Variants in ADIPOR1 observed in about 807,000 individuals in gnomAD.
ADIPOR1 encodes the protein adiponectin receptor 1, also known as adiponectin receptor protein 1.
In ADIPOR1, 15 loss-of-function variants were observed where a neutral mutation model predicts 37.5. The ratio of observed to expected loss-of-function variants is 0.40; its 90% confidence interval spans 0.27 to 0.62. The LOEUF is 0.62. Among genes scored for constraint, ADIPOR1 ranks in the 20% least tolerant of loss-of-function variants. The probability of loss-of-function intolerance (pLI) is 0.42; values close to 1 mark genes in which losing one functional copy is unlikely to be tolerated. For missense variants in ADIPOR1, 286 were observed against 478.0 expected (o/e 0.60, Z 3.75); for synonymous variants, 173 against 173.2 (o/e 1.00, Z 0.01).
chr1:202,946,872 T>C (rs1654348360), intron 3 of ADIPOR1, among the ~76,000 whole-genome samples: 1 of 151,480 alleles, frequency 6.6e-6, no homozygotes, highest in African/African-American at 2.4e-5. Context: ...CTTAGCACTT[T>C]GGGAGGCTGA....
At position 202,950,910 on chromosome 1, in the gene ADIPOR1, C is replaced by T; in HGVS notation, c.141+20G>A. Reference sequence around the variant, plus strand: ...GGAGAGAAACTGAACAAGGGGATGACTCCTGGGAAGATGACTTACTTTGGG... The same window carrying T: ...GGAGAGAAACTGAACAAGGGGATGATTCCTGGGAAGATGACTTACTTTGGG... On this transcript the variant is annotated intron_variant, in intron 2 of 7. Transcript: ENST00000340990. The T allele has an allele frequency of 6.2e-7, 1 of 1,614,070 alleles. No individual in the cohort carries two copies. The highest frequency in any genetic ancestry group is 8.5e-7 in the Non-Finnish European group (1 of 1,179,964).
intron 3 of ADIPOR1, 85 bp downstream of exon 3, chr1:202,948,219 G>A: frequency 9.1e-6 from 10 of 1,102,234 alleles, no homozygotes; most frequent in South Asian, 6.3e-5. Context: ...AAAGCTCTTC[G>A]ACCCAGTGCA....
chr1:202,945,998 C>A (rs1313797229), intron 4 of ADIPOR1, among the ~76,000 whole-genome samples: 2 of 131,676 alleles, frequency 1.5e-5, no homozygotes, highest in African/African-American at 3.1e-5. Flanking sequence ...CCCCCCCCCA[C>A]CCCTTTGTAA....
chr1:202,943,927 A>G lies in ADIPOR1; in HGVS notation c.636T>C (p.Ile212=). The G allele has an allele frequency of 6.2e-7, 1 of 1,613,516 alleles. No homozygotes were observed. ...CAAAGCTCCCCATAATTAGAAGAGC[A>G]ATCCCTGAATAGTCCAGTCTAAAAA... The part of the protein sequence containing the change: ...RTFSKLDYSG[I]ALLIMGSFVP... Residue 212 remains isoleucine, a synonymous_variant, in exon 6 of 8, where the codon ATT becomes ATC. Coordinates refer to ENST00000340990, the MANE Select transcript of ADIPOR1 (RefSeq NM_015999.6).
At chr1:202,950,299 C>A (rs1417003425) in intron 2 of ADIPOR1, among the ~76,000 whole-genome samples, 1 of 151,742 alleles carries the variant, frequency 6.6e-6, no homozygotes, top group Non-Finnish European at 1.5e-5. Context: ...GTTGGCCGGG[C>A]ACAGTGGCTC....
intron 5 of ADIPOR1, 74 bp downstream of exon 5, chr1:202,944,909 C>T: frequency 7.2e-7 from 1 of 1,395,494 alleles, no homozygotes; most frequent in Non-Finnish European, 9.8e-7. Context: ...GAGCTCCTAT[C>T]ACCCAGTAAG....
At chr1:202,946,397 G>C (rs1485498493) in intron 4 of ADIPOR1, 42 bp downstream of exon 4, 2 of 1,611,168 alleles carry the variant, frequency 1.2e-6, no homozygotes, top group African/African-American at 2.7e-5. Flanking sequence ...TTCGCAGTTA[G>C]GGAGACAACA....
At position 202,944,762 on chromosome 1, in the gene ADIPOR1, T is replaced by C. The variant is rs183852467; in HGVS notation, c.617+221A>G. On this transcript the variant is annotated intron_variant, in intron 5 of 7. Coordinates refer to ENST00000340990, the MANE Select transcript of ADIPOR1 (RefSeq NM_015999.6). The stretch of plus-strand genomic sequence containing the variant: ...TTCAGGTAGAAAATATATTCCACAA[T>C]TGGTCTCTCCATCTGTTGAAGAGGA... 31 of 374,988 alleles carry C rather than the reference T, an allele frequency of 8.3e-5. No homozygotes were observed. In the East Asian group the frequency reaches 1.0e-3, roughly 12 times the overall value. The allele number at this position is 374,988 out of a possible 1,614,324, so 23.2% of individuals were successfully genotyped here.
chr1:202,958,113 T>G (rs1024167066), intron 1 of ADIPOR1, 72 bp downstream of exon 1: 2 of 152,226 alleles, frequency 1.3e-5, no homozygotes, highest in Non-Finnish European at 2.9e-5. Flanking sequence ...TCCGCAGGCC[T>G]GGGTCGGGGC....
chr1:202,944,339 A>C (rs1654219320), intron 5 of ADIPOR1: 1 of 166,118 alleles, frequency 6.0e-6, no homozygotes, highest in African/African-American at 2.4e-5. Flanking sequence ...TTAAATTGGG[A>C]GTAGTATTAA....
intron 6 of ADIPOR1, 99 bp from the exon 7 acceptor site, chr1:202,942,317 C>A (rs2102480588): frequency 8.4e-7 from 1 of 1,185,490 alleles, no homozygotes. Flanking sequence ...TGATAATTAG[C>A]TATTTTTGGA....
At position 202,941,511 on chromosome 1, in the gene ADIPOR1, G is replaced by A; in HGVS notation, c.*62C>T. ...AACTCAGACTCTTCCTCTCACTTCA[G>A]CAAAGAAGTTATTTTTAAAAGCACT... On this transcript the variant is annotated 3_prime_UTR_variant, in exon 8 of 8. Transcript: ENST00000340990. 1 of 1,555,514 alleles carries A rather than the reference G, an allele frequency of 6.4e-7. No homozygotes were observed. The highest frequency in any genetic ancestry group is 1.2e-5 in the South Asian group (1 of 81,832).
intron 2 of ADIPOR1, among the ~76,000 whole-genome samples, chr1:202,949,514 G>C (rs1425848412): frequency 1.3e-5 from 2 of 149,238 alleles, no homozygotes; most frequent in Non-Finnish European, 3.0e-5. Context: ...CTGGAGGGCG[G>C]AGCCTGCAGT....
chr1:202,948,653 A>G (rs1654430251), intron 2 of ADIPOR1, among the ~76,000 whole-genome samples: 1 of 152,166 alleles, frequency 6.6e-6, no homozygotes, highest in Non-Finnish European at 1.5e-5. Context: ...TGCGTAAAAG[A>G]AGGACTGTCA....
intron 1 of ADIPOR1, among the ~76,000 whole-genome samples, chr1:202,955,922 C>T (rs1654765581): frequency 6.6e-6 from 1 of 152,328 alleles, no homozygotes; most frequent in Admixed American, 6.5e-5. Context: ...ATTACAGGCA[C>T]CTGCCACCAC....
rs757663382 is a variant in ADIPOR1 at position 202,950,846 on chromosome 1, C to T, written c.141+84G>A. 1.1e-4 allele frequency: 168 copies of T among 1,554,284 alleles called. No individual in the cohort carries two copies. In the Middle Eastern group the frequency reaches 2.2e-3, roughly 21 times the overall value. On this transcript the variant is annotated intron_variant, in intron 2 of 7. Coordinates refer to ENST00000340990, the MANE Select transcript of ADIPOR1 (RefSeq NM_015999.6). ...AGGATGCAATGTTCCTCCTTTTGGA[C>T]GGTGAGCTCTTAAAAAAGAGAAAAT...
intron 2 of ADIPOR1, among the ~76,000 whole-genome samples, 193 bp downstream of exon 2, chr1:202,950,737 T>TGCA (rs1654540353): frequency 6.6e-6 from 1 of 152,194 alleles, no homozygotes; most frequent in Non-Finnish European, 1.5e-5. Flanking sequence ...CAAAGATGAG[T>TGCA]GCATTCCCAA....
At chr1:202,957,169 C>A (rs1050634162) in intron 1 of ADIPOR1, among the ~76,000 whole-genome samples, 1 of 152,134 alleles carries the variant, frequency 6.6e-6, no homozygotes, top group African/African-American at 2.4e-5. Context: ...CCTCAGGAAC[C>A]GAAGTTGCAC....
intron 2 of ADIPOR1, among the ~76,000 whole-genome samples, chr1:202,949,117 C>CA (rs1243247902): frequency 6.6e-6 from 1 of 151,840 alleles, no homozygotes; most frequent in Non-Finnish European, 1.5e-5. Flanking sequence ...GAAAAAGACA[C>CA]AGAGTCTCAG....
Sources: gnomAD v4.1 joint callset for allele counts (sites outside exome capture counted in the v4.1 genomes callset) on GRCh38, gnomAD v4.1.1 for gene constraint, MANE v1.5 for transcripts, NCBI Gene and HGNC (gene_info 2026-07-23, HGNC 2026-07-21) for gene names.